Variants in LAMA2 observed in about 807,000 individuals in gnomAD.
LAMA2 encodes laminin subunit alpha 2, also known as laminin subunit alpha-2.
Under a neutral mutation model 364.8 loss-of-function variants are expected in LAMA2, and 269 were observed. That is an observed-to-expected ratio of 0.74 (90% CI 0.67 to 0.82). The LOEUF is 0.82. Among genes scored for constraint, LAMA2 ranks in the 40% least tolerant of loss-of-function variants. The probability of loss-of-function intolerance (pLI) is 0.00; values close to 1 mark genes in which losing one functional copy is unlikely to be tolerated. For missense variants in LAMA2, 3,807 were observed against 3,873.2 expected (o/e 0.98, Z 0.45); for synonymous variants, 1,379 against 1,370.6 (o/e 1.01, Z -0.14).
chr6:128,901,929 C>A (rs894967567), intron 1 of LAMA2, among the ~76,000 whole-genome samples: 2 of 152,192 alleles, frequency 1.3e-5, no homozygotes, highest in Non-Finnish European at 2.9e-5. Context: ...CTGTAAAGAA[C>A]TGGCCAAGAC....
intron 11 of LAMA2, 64 bp from the exon 12 acceptor site, chr6:129,192,616 G>A (rs1382305940): frequency 2.0e-6 from 3 of 1,490,780 alleles, no homozygotes; most frequent in East Asian, 4.6e-5. Flanking sequence ...CCAGGAACAT[G>A]AAAGAGAAAA....
chr6:129,200,120 ATGTG>A (rs1270327575), intron 12 of LAMA2, among the ~76,000 whole-genome samples: 8 of 115,890 alleles, frequency 6.9e-5, no homozygotes, highest in Admixed American at 3.4e-4. Context: ...ACGTATATAT[ATGTG>A]TATATATATA....
At position 129,159,006 on chromosome 6, in the gene LAMA2, A is replaced by G. The variant is rs1779298463; in HGVS notation, c.1206+4323A>G. 3 of 1,587,244 alleles carry G rather than the reference A, an allele frequency of 1.9e-6. No homozygotes were observed. The East Asian group carries it at 6.7e-5, about 35-fold the overall frequency. ...CCATTTTCTGACTTTTTCTGGTCGG[A>G]GTCTGATTTCATCCCAGTGCCGTGG... On this transcript the variant is annotated intron_variant, in intron 8 of 64. Coordinates refer to ENST00000421865, the MANE Select transcript of LAMA2 (RefSeq NM_000426.4).
chr6:129,354,015 A>G (rs942578447), intron 32 of LAMA2, among the ~76,000 whole-genome samples: 3 of 152,224 alleles, frequency 2.0e-5, no homozygotes, highest in African/African-American at 7.2e-5. Context: ...TGGATCTTGC[A>G]TACATTCAAA....
intron 12 of LAMA2, among the ~76,000 whole-genome samples, chr6:129,224,545 T>A (rs1014872180): frequency 6.6e-5 from 10 of 152,230 alleles, no homozygotes; most frequent in African/African-American, 1.9e-4. Context: ...ATTGAGAGTT[T>A]TTGGCATGAA....
intron 14 of LAMA2, among the ~76,000 whole-genome samples, chr6:129,256,166 G>T (rs763470622): frequency 1.3e-5 from 2 of 152,112 alleles, no homozygotes; most frequent in Non-Finnish European, 2.9e-5. Flanking sequence ...GGCAATGCAG[G>T]GTAACAAGGA....
At chr6:128,898,216 T>C (rs1369290524) in intron 1 of LAMA2, among the ~76,000 whole-genome samples, 1 of 152,178 alleles carries the variant, frequency 6.6e-6, no homozygotes, top group Non-Finnish European at 1.5e-5. Context: ...TTTAGTGTGA[T>C]TAGAGGTGGT....
chr6:129,363,830 A>G (rs962100422), intron 32 of LAMA2, among the ~76,000 whole-genome samples: 1 of 152,184 alleles, frequency 6.6e-6, no homozygotes, highest in African/African-American at 2.4e-5. Flanking sequence ...GACACAGTCA[A>G]TTTGGCACTT....
chr6:129,315,832 C>T lies in LAMA2; in HGVS notation c.3806C>T (p.Thr1269Ile), dbSNP rs375051351. 12 of 1,614,012 alleles carry T rather than the reference C, an allele frequency of 7.4e-6. No individual in the cohort carries two copies. In the African/African-American group the frequency reaches 1.5e-4, roughly 20 times the overall value. ...GCTCGGGAAGAAACAGGTTTCTCTA[C>T]ATATAATCCTCAAGTGATCATTCGA... Reference protein sequence around the residue: ...FEAREETGFSTYNPQVIIRGG... With the variant: ...FEAREETGFSIYNPQVIIRGG... Residue 1269 changes from threonine to isoleucine, a missense_variant, in exon 26 of 65, where the codon ACA (threonine) becomes ATA (isoleucine). Coordinates refer to ENST00000421865, the MANE Select transcript of LAMA2 (RefSeq NM_000426.4).
intron 12 of LAMA2, among the ~76,000 whole-genome samples, chr6:129,194,126 T>C (rs758340028): frequency 3.9e-5 from 6 of 152,108 alleles, no homozygotes; most frequent in Non-Finnish European, 8.8e-5. Context: ...AACTCTGGTA[T>C]TCCCAAAAGA....
At position 129,297,843 on chromosome 6, in the gene LAMA2, C is replaced by T; in HGVS notation, c.3015C>T (p.Asn1005=). The T allele has an allele frequency of 1.9e-6, 3 of 1,613,862 alleles. No homozygotes were observed. Among genetic ancestry groups the T allele is most frequent in the Non-Finnish European group, 8.5e-7 (1 of 1,179,880 alleles). The change falls in exon 21 of 65, where the codon AAC becomes AAT. Residue 1005 remains asparagine, a synonymous_variant. Coordinates refer to ENST00000421865, the MANE Select transcript of LAMA2 (RefSeq NM_000426.4). The part of the protein sequence containing the change: ...KCDRCAHGYF[N]FQEGGCTACE... ...ACCGCTGTGCCCACGGCTATTTCAACTTCCAAGAAGGAGGCTGCACAGGTC... is the reference window on the plus strand; with the variant it reads ...ACCGCTGTGCCCACGGCTATTTCAATTTCCAAGAAGGAGGCTGCACAGGTC...
intron 12 of LAMA2, among the ~76,000 whole-genome samples, chr6:129,221,296 CTTT>C (rs58171173): frequency 1.6e-5 from 2 of 125,870 alleles, no homozygotes; most frequent in Non-Finnish European, 3.4e-5. Context: ...ATACTGGTTT[CTTT>C]TTTTTTTTTT....
chr6:128,950,445 C>T (rs765661884), intron 1 of LAMA2, among the ~76,000 whole-genome samples: 2 of 152,122 alleles, frequency 1.3e-5, no homozygotes, highest in Admixed American at 6.6e-5. Context: ...AGCCAGGCCA[C>T]GTGGGTAGAA....
intron 1 of LAMA2, among the ~76,000 whole-genome samples, chr6:128,983,932 C>T (rs533495733): frequency 1.1e-4 from 16 of 152,270 alleles, no homozygotes; most frequent in African/African-American, 3.4e-4. Context: ...GTATGTTATG[C>T]ACATAAACCA....
Position 128,908,337 on chromosome 6 carries a change from T to G in LAMA2, c.112+24980T>G, listed in dbSNP as rs1461690706. ...ATCCTGTTATTTGTCTATTCAGAGA[T>G]TCAACTTCTTCCTGGTTTAGTCTTG... On this transcript the variant is annotated intron_variant, in intron 1 of 64. Coordinates refer to ENST00000421865, the MANE Select transcript of LAMA2 (RefSeq NM_000426.4). 6.0e-5 allele frequency among the ~76,000 whole-genome samples: 9 copies of G among 150,816 alleles called. No homozygotes were observed. The South Asian group carries it at 1.1e-3, about 18-fold the overall frequency.
At chr6:129,309,250 G>T (rs1232268340) in intron 22 of LAMA2, among the ~76,000 whole-genome samples, 1 of 152,188 alleles carries the variant, frequency 6.6e-6, no homozygotes. Flanking sequence ...ACTAGCAGGG[G>T]AATAGTGAGT....
intron 1 of LAMA2, among the ~76,000 whole-genome samples, chr6:129,041,375 G>A (rs987271798): frequency 6.6e-6 from 1 of 152,204 alleles, no homozygotes; most frequent in South Asian, 2.1e-4. Context: ...GTCACCTGCT[G>A]ATTGCAGGCC....
chr6:128,905,614 T>C (rs969484333), intron 1 of LAMA2: 3 of 151,918 alleles, frequency 2.0e-5, no homozygotes, highest in Non-Finnish European at 4.4e-5. Flanking sequence ...TTTTTCGTTT[T>C]TTTATTTTTT....
intron 48 of LAMA2, among the ~76,000 whole-genome samples, 179 bp from the exon 49 acceptor site, chr6:129,460,021 G>A (rs184119990): frequency 6.6e-6 from 1 of 152,156 alleles, no homozygotes; most frequent in East Asian, 1.9e-4. Flanking sequence ...GACTCATCCT[G>A]TAGTAGCTCT....
Sources: gnomAD v4.1 joint callset for allele counts (sites outside exome capture counted in the v4.1 genomes callset) on GRCh38, gnomAD v4.1.1 for gene constraint, MANE v1.5 for transcripts, NCBI Gene and HGNC (gene_info 2026-07-23, HGNC 2026-07-21) for gene names.